Variants in USP6 observed in about 807,000 individuals in gnomAD.
USP6 encodes ubiquitin specific peptidase 6, also known as ubiquitin carboxyl-terminal hydrolase 6.
Under a neutral mutation model 175.7 loss-of-function variants are expected in USP6, and 128 were observed. The observed-to-expected ratio is 0.73, with a 90% confidence interval of 0.63 to 0.84. USP6 has a LOEUF of 0.84. Ranked by LOEUF, USP6 falls within the 40% of genes least tolerant of loss-of-function variation. USP6 has a pLI of 0.00. For missense variants in USP6, 1,498 were observed against 1,760.3 expected, an observed-to-expected ratio of 0.85 and a Z score of 2.67; for synonymous variants, 562 against 630.6, an observed-to-expected ratio of 0.89 and a Z score of 1.63.
rs377066075 is a variant in USP6, at chr17:5,168,875, C to T, written c.3337C>T (p.Arg1113Ter). 25 of 1,613,612 alleles carry T rather than the reference C, an allele frequency of 1.5e-5. No homozygotes were observed. The highest frequency in any genetic ancestry group is 2.2e-5 in the East Asian group (1 of 44,878). The change falls in exon 35 of 38, where the codon CGA becomes TGA. Residue 1113 changes from arginine to a stop codon, truncating the protein, a stop_gained. Transcript: ENST00000574788. LOFTEE classifies it high-confidence loss of function. Reference protein sequence around the residue: ...SFDPSAFLVPRDPALCQHKPL... With the variant: ...SFDPSAFLVP Reference sequence around the variant, plus strand: ...TGATCCGAGTGCTTTTTTGGTACCACGAGACCCGGCCCTCTGCCAGCATAA... The same window carrying T: ...TGATCCGAGTGCTTTTTTGGTACCATGAGACCCGGCCCTCTGCCAGCATAA...
At position 5,174,277 on chromosome 17, in the gene USP6, A is replaced by T. The variant is rs2074282366; in HGVS notation, c.*1299A>T. On this transcript the variant is annotated 3_prime_UTR_variant, in exon 38 of 38. Transcript: ENST00000574788. ...TAGTTTCTTAATATATACTTGAAGG[A>T]AATGTTTCACCTTATTTTTGGTCTT... The T allele has an allele frequency of 5.3e-6, 1 of 189,110 alleles. No homozygotes were observed. The highest frequency in any genetic ancestry group is 1.1e-5 in the Non-Finnish European group (1 of 89,740). The allele number at this position is 189,110 out of a possible 1,614,324, so 11.7% of individuals were successfully genotyped here. A position where few individuals can be genotyped will look rare whatever the true frequency, so the allele number is the denominator to read the frequency against.
chr17:5,156,636 A>G (rs1672397989), intron 31 of USP6, among the ~76,000 whole-genome samples: 2 of 151,880 alleles, frequency 1.3e-5, no homozygotes, highest in South Asian at 4.2e-4. Flanking sequence ...TCATGGTACA[A>G]ATGAGAGTTC....
chr17:5,144,285 T>G (rs906926950), intron 25 of USP6, among the ~76,000 whole-genome samples: 2 of 149,152 alleles, frequency 1.3e-5, no homozygotes, highest in Non-Finnish European at 3.0e-5. Context: ...ATACACATTA[T>G]TTTATGCATG....
At chr17:5,122,513 G>A (rs2072712504) in intron 4 of USP6, among the ~76,000 whole-genome samples, 1 of 152,240 alleles carries the variant, frequency 6.6e-6, no homozygotes, top group South Asian at 2.1e-4. Context: ...GCGGCCCGGC[G>A]GTCCTCTTAG....
intron 11 of USP6, 68 bp downstream of exon 11, chr17:5,130,752 TAGAA>T: frequency 6.3e-7 from 1 of 1,581,582 alleles, no homozygotes; most frequent in Non-Finnish European, 8.7e-7. Context: ...GGTTTGCTTT[TAGAA>T]AGGCCTTTCT....
intron 25 of USP6, among the ~76,000 whole-genome samples, chr17:5,143,103 G>A (rs1457628352): frequency 2.0e-5 from 3 of 152,014 alleles, no homozygotes; most frequent in Non-Finnish European, 2.9e-5. Flanking sequence ...CCCCCCACCC[G>A]GCCAGCCGCC....
intron 37 of USP6, 53 bp from the exon 38 acceptor site, chr17:5,172,752 T>A (rs2074254670): frequency 6.2e-7 from 1 of 1,604,230 alleles, no homozygotes; most frequent in Non-Finnish European, 8.5e-7. Flanking sequence ...TGGCAAGGAT[T>A]TAGAGTCATA....
chr17:5,173,864 G>C lies in USP6; in HGVS notation c.*886G>C, dbSNP rs984062013. ...GCAACAAGAGCTTCTGGGAAGGTAAGCGGCATCGGAGCTAGATCACGTTTC... is the reference window on the plus strand; with the variant it reads ...GCAACAAGAGCTTCTGGGAAGGTAACCGGCATCGGAGCTAGATCACGTTTC... On this transcript the variant is annotated 3_prime_UTR_variant, in exon 38 of 38. Transcript: ENST00000574788. 2 of 223,374 alleles carry C rather than the reference G, an allele frequency of 9.0e-6. No homozygotes were observed. Among genetic ancestry groups the C allele is most frequent in the African/African-American group, 4.5e-5 (2 of 44,782 alleles). 13.8% of individuals were successfully genotyped at this position (223,374 alleles called of 1,614,324 possible).
In USP6 at chr17:5,174,874, AAT is replaced by A. The variant is rs1280818114; in HGVS notation, c.*1898_*1899del. On this transcript the variant is annotated 3_prime_UTR_variant, in exon 38 of 38. Transcript: ENST00000574788. Reference sequence around the variant, plus strand: ...ATGTACATAAATAGAGTGTAAATAAAATAGTGTTGATGTACTGAAATATGAAC... The same window carrying A: ...ATGTACATAAATAGAGTGTAAATAAAAGTGTTGATGTACTGAAATATGAAC... The A allele has an allele frequency of 2.1e-5, 4 of 191,358 alleles. No individual in the cohort carries two copies. Among genetic ancestry groups the A allele is most frequent in the East Asian group, 8.4e-5 (1 of 11,942 alleles). 11.9% of individuals were successfully genotyped at this position (191,358 alleles called of 1,614,324 possible).
chr17:5,172,206 C>T (rs1192146134), intron 37 of USP6, among the ~76,000 whole-genome samples: 2 of 149,148 alleles, frequency 1.3e-5, no homozygotes, highest in Non-Finnish European at 3.0e-5. Flanking sequence ...TTAGTTAATG[C>T]AAAAAGCTCC....
Position 5,137,194 on chromosome 17 carries a change from G to C in USP6, c.825+8G>C, listed in dbSNP as rs772084796. 3.2e-5 allele frequency: 52 copies of C among 1,612,432 alleles called. No homozygotes were observed. The highest frequency in any genetic ancestry group is 4.2e-5 in the Non-Finnish European group (50 of 1,179,324). On this transcript the variant is annotated splice_region_variant and intron_variant, in intron 19 of 37. Transcript: ENST00000574788. ...CGGAACCTGATTGACGGGGTAAGGA[G>C]GCATAGGGAGACCCTGGCTCAGGGA...
chr17:5,156,412 A>G (rs2073886431), intron 31 of USP6, among the ~76,000 whole-genome samples: 1 of 151,788 alleles, frequency 6.6e-6, no homozygotes, highest in Non-Finnish European at 1.5e-5. Context: ...GGTTCAAACG[A>G]TTCTCCTGCC....
intron 20 of USP6, 88 bp downstream of exon 20, chr17:5,137,838 T>C (rs1372720868): frequency 6.3e-7 from 1 of 1,592,108 alleles, no homozygotes; most frequent in African/African-American, 1.3e-5. Context: ...ACTGTCCTCA[T>C]GATCCTCTGT....
intron 4 of USP6, among the ~76,000 whole-genome samples, chr17:5,123,302 G>C (rs1006844250): frequency 4.6e-5 from 7 of 151,936 alleles, no homozygotes; most frequent in South Asian, 2.1e-4. Flanking sequence ...CACCGCCGGT[G>C]GGGGGGTGGT....
chr17:5,154,773 C>G (rs1298908138), intron 30 of USP6, among the ~76,000 whole-genome samples: 3 of 151,558 alleles, frequency 2.0e-5, no homozygotes, highest in East Asian at 1.9e-4. Context: ...TCTCACTCTA[C>G]CTTCCAGGCT....
rs567005338 is a variant in USP6 at position 5,116,422 on chromosome 17, C to A, written c.-2246C>A. On this transcript the variant is annotated 5_prime_UTR_variant, in exon 1 of 38. Transcript: ENST00000574788. ...AAGCCGCTGGGGGAGAGGGGAAACA[C>A]TTCTGGCCCATGTGAGCCGCCGTCT... 5.9e-5 allele frequency: 9 copies of A among 152,544 alleles called. No homozygotes were observed. Among genetic ancestry groups the A allele is most frequent in the African/African-American group, 2.2e-4 (9 of 41,588 alleles). The allele number at this position is 152,544 out of a possible 1,614,324, so 9.4% of individuals were successfully genotyped here. A position where few individuals can be genotyped will look rare whatever the true frequency, so the allele number is the denominator to read the frequency against.
intron 33 of USP6, among the ~76,000 whole-genome samples, chr17:5,164,627 T>C (rs1467536140): frequency 6.6e-6 from 1 of 152,260 alleles, no homozygotes; most frequent in Non-Finnish European, 1.5e-5. Flanking sequence ...CTGTTAAATC[T>C]TACCCTACTT....
At chr17:5,136,586 G>A in intron 17 of USP6, 54 bp from the exon 18 acceptor site, 1 of 1,597,172 alleles carries the variant, frequency 6.3e-7, no homozygotes, top group Non-Finnish European at 8.6e-7. Context: ...TCAGCTGATG[G>A]CTCCACACCT....
rs549817022 is a variant in USP6 at position 5,137,001 on chromosome 17, T to C, written c.760-120T>C. 1.7e-5 allele frequency: 21 copies of C among 1,216,716 alleles called. No homozygotes were observed. In the East Asian group the frequency reaches 2.8e-4, roughly 16 times the overall value. The allele number at this position is 1,216,716 out of a possible 1,614,324, so 75.4% of individuals were successfully genotyped here. A position where few individuals can be genotyped will look rare whatever the true frequency, so the allele number is the denominator to read the frequency against. On this transcript the variant is annotated intron_variant, in intron 18 of 37. Transcript: ENST00000574788. ...GGAGTGTGGGAAGGGGACAGTGTTG[T>C]GGGGAGTTCTGGACACCGCCCAGTG...
Sources: gnomAD v4.1 joint callset for allele counts (sites outside exome capture counted in the v4.1 genomes callset) on GRCh38, gnomAD v4.1.1 for gene constraint, MANE v1.5 for transcripts, NCBI Gene and HGNC (gene_info 2026-07-23, HGNC 2026-07-21) for gene names.